Variants in IRF9 observed in about 807,000 individuals in gnomAD.
The protein encoded by IRF9 is interferon regulatory factor 9.
Under a neutral mutation model 44.1 loss-of-function variants are expected in IRF9, and 13 were observed. That is an observed-to-expected ratio of 0.29 (90% CI 0.19 to 0.47). The LOEUF (loss-of-function observed/expected upper bound fraction) is 0.47, where lower values mean the gene tolerates loss of function less well. Among genes scored for constraint, IRF9 ranks in the 20% least tolerant of loss-of-function variants. The pLI is 1.00. For synonymous variants in IRF9, 189 were observed against 188.5 expected (o/e 1.00, Z -0.02); for missense variants, 373 against 496.1 (o/e 0.75, Z 2.36).
chr14:24,163,216 C>T, intron 3 of IRF9, 67 bp downstream of exon 3: 1 of 1,579,638 alleles, frequency 6.3e-7, no homozygotes, highest in South Asian at 1.2e-5. Flanking sequence ...GATGTGCAGG[C>T]TTCCCCCAGG....
At position 24,166,177 on chromosome 14, in the gene IRF9, C is replaced by T. The variant is rs2038519642; in HGVS notation, c.1163C>T (p.Ala388Val). The T allele has an allele frequency of 1.2e-6, 2 of 1,613,944 alleles. No homozygotes were observed. Among genetic ancestry groups the T allele is most frequent in the Admixed American group, 1.7e-5 (1 of 60,004 alleles). Residue 388 changes from alanine (A) to valine (V), a missense_variant, in exon 9 of 9, where the codon GCC becomes GTC. By Grantham distance (64) the Ala-to-Val change is moderately conservative. This residue lies in a region of IRF9 where 146 missense variants were observed against 240.8 expected (regional missense o/e 0.61). Coordinates refer to ENST00000396864, the MANE Select transcript of IRF9 (RefSeq NM_006084.5). ...GAGCAGACTCCAGAGCAGCAGGCAG[C>T]CATTCTGTCCCTGGTGTAGAGCCTG... ...LLEQTPEQQA[A>V]ILSLV
At chr14:24,165,540 G>T in intron 7 of IRF9, 1 of 527,490 alleles carries the variant, frequency 1.9e-6, no homozygotes, top group Non-Finnish European at 3.4e-6. Flanking sequence ...AAGTAGCAAA[G>T]GTCTGGGCAC....
Position 24,164,679 on chromosome 14 carries a change from C to T in IRF9, c.715C>T (p.Leu239=), listed in dbSNP as rs1034825274. 9 of 1,613,520 alleles carry T rather than the reference C, an allele frequency of 5.6e-6. No individual in the cohort carries two copies. Among genetic ancestry groups the T allele is most frequent in the East Asian group, 2.2e-5 (1 of 44,886 alleles). ...GGTGGGCGAGGCCCAGGTGCAAAGC[C>T]TGGATTGCCGCCTTGTGGCTGAGCC... ...RVVGEAQVQS[L]DCRLVAEPSG... is the part of the protein sequence containing the mutation. Residue 239 remains leucine, a synonymous_variant, in exon 7 of 9, where the codon CTG becomes TTG. Coordinates refer to ENST00000396864, the MANE Select transcript of IRF9 (RefSeq NM_006084.5). The surrounding 1 kb of genome is among the most constrained non-coding windows in gnomAD (Gnocchi z 5.2).
In IRF9 at chr14:24,165,886, A is replaced by G; in HGVS notation, c.1031A>G (p.Lys344Arg). 1 of 1,614,158 alleles carries G rather than the reference A, an allele frequency of 6.2e-7. No individual in the cohort carries two copies. The highest frequency in any genetic ancestry group is 8.5e-7 in the Non-Finnish European group (1 of 1,180,010). ...RYFQGLGPPP[K>R]FQVTLNFWEE... ...TTTCAGGGCCTGGGCCCCCCACCGA[A>G]GTTCCAGGTAACACTGAATTTCTGG... Residue 344 changes from lysine (K) to arginine (R), a missense_variant, in exon 8 of 9, where the codon AAG becomes AGG. Transcript: ENST00000396864.
intron 2 of IRF9, 114 bp from the exon 3 acceptor site, chr14:24,162,852 A>C: frequency 1.3e-6 from 1 of 797,750 alleles, no homozygotes. Context: ...CAGAGCACAG[A>C]CCCTGCATAA....
At position 24,162,314 on chromosome 14, in the gene IRF9, CCTT is replaced by C. The variant is rs1566619580; in HGVS notation, c.175_177del (p.Phe59del). On this transcript the variant is annotated inframe_deletion, in exon 2 of 9. Transcript: ENST00000396864. ...GACTTCCGGGAGGACCAGGATGCTG[CCTT>C]CTTCAAGGTGAAAGGGCCTGGAAAC... 2 of 1,613,442 alleles carry C rather than the reference CCTT, an allele frequency of 1.2e-6. No homozygotes were observed. The highest frequency in any genetic ancestry group is 8.5e-7 in the Non-Finnish European group (1 of 1,179,672).
rs150808478 is a variant in IRF9, at chr14:24,162,303, C to T, written c.159C>T (p.Asp53=). ...KHAGKQDFRE[D]QDAAFFKAWA... is the part of the protein sequence containing the mutation. ...CAGGCAAGCAGGACTTCCGGGAGGA[C>T]CAGGATGCTGCCTTCTTCAAGGTGA... Residue 53 remains aspartate, a synonymous_variant, in exon 2 of 9, where the codon GAC becomes GAT. Transcript: ENST00000396864. 6.2e-6 allele frequency: 10 copies of T among 1,613,778 alleles called. No individual in the cohort carries two copies. The African/African-American group carries it at 1.3e-4, about 22-fold the overall frequency.
rs763943916 is a variant in IRF9 at position 24,162,973 on chromosome 14, C to T, written c.188C>T (p.Ala63Val). The change falls in exon 3 of 9, where the codon GCA becomes GTA. Residue 63 changes from alanine (A) to valine (V), a missense_variant. Ala to Val is a moderately conservative substitution (Grantham distance 64, BLOSUM62 0). Around this residue, in one of 2 missense-constraint regions of IRF9, gnomAD observed 227 missense variants for 255.3 expected, o/e 0.89. Coordinates refer to ENST00000396864, the MANE Select transcript of IRF9 (RefSeq NM_006084.5). ...CCTTGCTTTCTTTCCTAGGCCTGGGCAATATTTAAGGGAAAGTATAAGGAG... is the reference window on the plus strand; with the variant it reads ...CCTTGCTTTCTTTCCTAGGCCTGGGTAATATTTAAGGGAAAGTATAAGGAG... ...DQDAAFFKAWAIFKGKYKEGD... is the reference protein window; with the variant it reads ...DQDAAFFKAWVIFKGKYKEGD... 3.7e-6 allele frequency: 6 copies of T among 1,613,452 alleles called. No homozygotes were observed. The highest frequency in any genetic ancestry group is 4.2e-6 in the Non-Finnish European group (5 of 1,179,790).
intron 1 of IRF9, among the ~76,000 whole-genome samples, chr14:24,161,559 TC>T (rs1292104325): frequency 2.6e-5 from 4 of 152,322 alleles, no homozygotes; most frequent in South Asian, 2.1e-4. Flanking sequence ...GCTGGATTGT[TC>T]AAGGAAGAAG....
In IRF9 at chr14:24,163,366, A is replaced by C. The variant is rs762756313; in HGVS notation, c.365-12A>C. 1.2e-6 allele frequency: 2 copies of C among 1,612,584 alleles called. No individual in the cohort carries two copies. Among genetic ancestry groups the C allele is most frequent in the Non-Finnish European group, 1.7e-6 (2 of 1,179,020 alleles). ...GACCCTGACCTTTCTCTGTCCCTCA[A>C]CAATTCCACAGGCCAGCCAGGGACT... On this transcript the variant is annotated splice_polypyrimidine_tract_variant and intron_variant, in intron 3 of 8. Coordinates refer to ENST00000396864, the MANE Select transcript of IRF9 (RefSeq NM_006084.5).
chr14:24,163,343 C>A lies in IRF9; in HGVS notation c.365-35C>A, dbSNP rs1318802911. On this transcript the variant is annotated intron_variant, in intron 3 of 8. Transcript: ENST00000396864. ...CTTCACCCTCTGTCCTTGCTCAAGA[C>A]CCTGACCTTTCTCTGTCCCTCAACA... is the stretch of plus-strand genomic sequence containing the variant. The A allele has an allele frequency of 4.4e-6, 7 of 1,606,006 alleles. No individual in the cohort carries two copies. In the South Asian group the frequency reaches 7.8e-5, roughly 18 times the overall value.
Position 24,163,402 on chromosome 14 carries a change from C to A in IRF9, c.389C>A (p.Pro130Gln), listed in dbSNP as rs756626683. Residue 130 changes from proline to glutamine, a missense_variant, in exon 4 of 9, where the codon CCA (proline) becomes CAA (glutamine). Transcript: ENST00000396864. ...GGCCAGCCAGGGACTCAGAAAGTAC[C>A]ATCAAAGCGACAGCACAGTTCTGTG... is the stretch of plus-strand genomic sequence containing the variant. ...VSGQPGTQKV[P>Q]SKRQHSSVSS... is the part of the protein sequence containing the mutation. The A allele has an allele frequency of 1.2e-6, 2 of 1,614,106 alleles. No individual in the cohort carries two copies. Among genetic ancestry groups the A allele is most frequent in the East Asian group, 2.2e-5 (1 of 44,880 alleles).
intron 8 of IRF9, 38 bp downstream of exon 8, chr14:24,166,000 G>A: frequency 6.3e-7 from 1 of 1,591,832 alleles, no homozygotes; most frequent in Admixed American, 1.7e-5. Context: ...CATCTAATGA[G>A]AGCAGAGACA....
chr14:24,161,452 ATCTCTTAAG>A (rs1252966398), intron 1 of IRF9, 114 bp downstream of exon 1: 1 of 152,516 alleles, frequency 6.6e-6, no homozygotes, highest in Non-Finnish European at 1.5e-5. Context: ...TAGACAGAAG[ATCTCTTAAG>A]TCAGGAAGTG....
Position 24,163,016 on chromosome 14 carries a change from A to G in IRF9, c.231A>G (p.Pro77=), listed in dbSNP as rs2139103076. The G allele has an allele frequency of 6.2e-7, 1 of 1,614,154 alleles. No individual in the cohort carries two copies. The highest frequency in any genetic ancestry group is 8.5e-7 in the Non-Finnish European group (1 of 1,180,040). The part of the protein sequence containing the change: ...GKYKEGDTGG[P]AVWKTRLRCA... ...ATAAGGAGGGGGACACAGGAGGTCC[A>G]GCTGTCTGGAAGACTCGCCTGCGCT... is the stretch of plus-strand genomic sequence containing the variant. Residue 77 remains proline, a synonymous_variant, in exon 3 of 9, where the codon CCA becomes CCG. Transcript: ENST00000396864.
In IRF9 at chr14:24,166,234, C is replaced by T; in HGVS notation, c.*38C>T. On this transcript the variant is annotated 3_prime_UTR_variant, in exon 9 of 9. Coordinates refer to ENST00000396864, the MANE Select transcript of IRF9 (RefSeq NM_006084.5). ...CCATCTTCCACCTCACCTCTTTGTT[C>T]TTCCTGTCTCCTTTGAAGTAGACTC... 6.4e-7 allele frequency: 1 copy of T among 1,563,926 alleles called. No individual in the cohort carries two copies. The highest frequency in any genetic ancestry group is 8.8e-7 in the Non-Finnish European group (1 of 1,136,674).
chr14:24,164,820 C>T lies in IRF9; in HGVS notation c.856C>T (p.Arg286Ter), dbSNP rs1413464198. 6 of 1,609,882 alleles carry T rather than the reference C, an allele frequency of 3.7e-6. No individual in the cohort carries two copies. Among genetic ancestry groups the T allele is most frequent in the Non-Finnish European group, 3.4e-6 (4 of 1,179,956 alleles). ...GGGCATCCTAGTGGCCAGCAACCCC[C>T]GAGGCCTCTTCGTGCAGCGCCTTTG... ...ERGILVASNP[R>*]GLFVQRLCPI... Residue 286 changes from arginine to a stop codon, truncating the protein, a stop_gained, in exon 7 of 9, where the codon CGA becomes TGA. Transcript: ENST00000396864. LOFTEE classifies it high-confidence loss of function. The surrounding 1 kb of genome is among the most constrained non-coding windows in gnomAD (Gnocchi z 5.2).
Position 24,164,993 on chromosome 14 carries a change from C to T in IRF9, c.991+38C>T. On this transcript the variant is annotated intron_variant, in intron 7 of 8. Coordinates refer to ENST00000396864, the MANE Select transcript of IRF9 (RefSeq NM_006084.5). The surrounding 1 kb of genome is among the most constrained non-coding windows in gnomAD (Gnocchi z 5.2). ...TCTCTGGGCACATGAGCTTCCACCCCCTACCTCTTAGTACCCCCTGGGCCC... is the reference window on the plus strand; with the variant it reads ...TCTCTGGGCACATGAGCTTCCACCCTCTACCTCTTAGTACCCCCTGGGCCC... 6.3e-7 allele frequency: 1 copy of T among 1,596,978 alleles called. No homozygotes were observed. The highest frequency in any genetic ancestry group is 8.6e-7 in the Non-Finnish European group (1 of 1,167,956).
At position 24,165,828 on chromosome 14, in the gene IRF9, T is replaced by A; in HGVS notation, c.992-19T>A. ...TCTCTTCTTTTTGTTCTTCGAACCCTTGACCCTTTCTCTTTCAGACTTGGT... is the reference window on the plus strand; with the variant it reads ...TCTCTTCTTTTTGTTCTTCGAACCCATGACCCTTTCTCTTTCAGACTTGGT... On this transcript the variant is annotated intron_variant, in intron 7 of 8. Transcript: ENST00000396864. 6.3e-7 allele frequency: 1 copy of A among 1,579,156 alleles called. No homozygotes were observed. Among genetic ancestry groups the A allele is most frequent in the Non-Finnish European group, 8.7e-7 (1 of 1,149,078 alleles).
Sources: allele counts gnomAD v4.1 joint callset (sites outside exome capture counted in the v4.1 genomes callset), GRCh38; gene constraint gnomAD v4.1.1; regional missense constraint gnomAD v4.1.1; non-coding constraint Gnocchi (gnomAD v3.1); transcripts MANE v1.5; gene names NCBI Gene and HGNC (gene_info 2026-07-23, HGNC 2026-07-21).